The following DNAH17 variants were observed in gnomAD, a reference collection of about 807,000 sequenced individuals.
DNAH17 encodes the protein dynein axonemal heavy chain 17.
A neutral mutation model predicts 485.6 loss-of-function variants in DNAH17; 376 were observed. The observed-to-expected ratio is 0.77, with a 90% CI of 0.71 to 0.84. The LOEUF (loss-of-function observed/expected upper bound fraction) is 0.84. Ranked by LOEUF, DNAH17 falls within the 40% of genes least tolerant of loss-of-function variation. The probability of loss-of-function intolerance (pLI) is 0.00; values close to 1 mark genes in which losing one functional copy is unlikely to be tolerated. For synonymous variants in DNAH17, 3,031 were observed against 2,405.9 expected, an observed-to-expected ratio of 1.26 and a Z score of -7.60; for missense variants, 6,370 against 5,839.3, an observed-to-expected ratio of 1.09 and a Z score of -2.96.
intron 14 of DNAH17, among the ~76,000 whole-genome samples, chr17:78,557,828 C>T (rs1345106786): frequency 1.3e-5 from 2 of 151,834 alleles, no homozygotes; most frequent in Non-Finnish European, 2.9e-5. Flanking sequence ...AGATCTTACA[C>T]CAGAAGTTGT....
chr17:78,495,001 G>A lies in DNAH17; in HGVS notation c.6000C>T (p.Phe2000=), dbSNP rs770027424. The change falls in exon 39 of 81, where the codon TTC becomes TTT. Residue 2000 remains phenylalanine (F), a synonymous_variant. Transcript: ENST00000389840. The stretch of plus-strand genomic sequence containing the variant: ...CCTTGCACAAGGTGTACAGGGTGAT[G>A]AACTTCCTGGCCAGAAGGCGGGCTT... ...FLEARLLARK[F]ITLYTLCKEL... is the part of the protein sequence containing the mutation. 3.7e-6 allele frequency: 6 copies of A among 1,613,076 alleles called. No individual in the cohort carries two copies. The highest frequency in any genetic ancestry group is 1.7e-5 in the Admixed American group (1 of 59,902).
chr17:78,515,024 T>C lies in DNAH17; in HGVS notation c.3865-2A>G. ...CCAGTCCTCGATGCTGGTATTTACC[T>C]GAAACGAAAACATCCCGTTTCTCCT... On this transcript the variant is annotated splice_acceptor_variant, in intron 25 of 80. Transcript: ENST00000389840. LOFTEE classifies it high-confidence loss of function. 6.2e-7 allele frequency: 1 copy of C among 1,612,988 alleles called. No homozygotes were observed. The highest frequency in any genetic ancestry group is 8.5e-7 in the Non-Finnish European group (1 of 1,178,990).
At position 78,468,660 on chromosome 17, in the gene DNAH17, G is replaced by A. The variant is rs868184990; in HGVS notation, c.8735C>T (p.Thr2912Ile). The change falls in exon 55 of 81, where the codon ACA (threonine) becomes ATA (isoleucine). Residue 2912 changes from threonine to isoleucine, a missense_variant. Physicochemically the swap from Thr to Ile is moderately conservative, Grantham distance 89 (BLOSUM62 -1). Transcript: ENST00000389840. ...KSLGMNDTRETCWKFFIEKVR... is the reference protein window; with the variant it reads ...KSLGMNDTREICWKFFIEKVR... Reference sequence around the variant, plus strand: ...TTTTTCGATGAAGAACTTCCAACATGTTTCCCGAGTGTCATTCATGCCAAG... The same window carrying A: ...TTTTTCGATGAAGAACTTCCAACATATTTCCCGAGTGTCATTCATGCCAAG... 7.4e-6 allele frequency: 12 copies of A among 1,613,876 alleles called. No individual in the cohort carries two copies. In the African/African-American group the frequency reaches 1.1e-4, roughly 14 times the overall value.
At chr17:78,480,901 C>T (rs771993760) in intron 48 of DNAH17, 115 bp from the exon 49 acceptor site, 7 of 725,716 alleles carry the variant, frequency 9.6e-6, no homozygotes, top group South Asian at 3.2e-5. Context: ...GACAGAGTCT[C>T]GCTCTGTTGC....
In DNAH17 at chr17:78,532,535, T is replaced by C; in HGVS notation, c.3061A>G (p.Thr1021Ala). 6.2e-7 allele frequency: 1 copy of C among 1,611,330 alleles called. No individual in the cohort carries two copies. Among genetic ancestry groups the C allele is most frequent in the Non-Finnish European group, 8.5e-7 (1 of 1,178,992 alleles). ...AVTAEDLDTW[T>A]DDTIPKTPPT... ...GGTGTCTTGGGGATGGTGTCATCTG[T>C]CCAGGTGTCCAAGTCCTCCGCAGTG... is the stretch of plus-strand genomic sequence containing the variant. The change falls in exon 20 of 81, where the codon ACA becomes GCA. Residue 1021 changes from threonine to alanine, a missense_variant. By Grantham distance (58) the Thr-to-Ala change is moderately conservative. Coordinates refer to ENST00000389840, the MANE Select transcript of DNAH17 (RefSeq NM_173628.4).
chr17:78,554,973 C>A (rs2091988470), intron 14 of DNAH17, among the ~76,000 whole-genome samples: 1 of 152,172 alleles, frequency 6.6e-6, no homozygotes, highest in Admixed American at 6.5e-5. Context: ...CCTCGAACTC[C>A]TGACCTCAAG....
chr17:78,524,597 C>G (rs917302369), intron 25 of DNAH17, among the ~76,000 whole-genome samples: 1 of 141,562 alleles, frequency 7.1e-6, no homozygotes, highest in Non-Finnish European at 1.5e-5. Context: ...TTCCCAGCCT[C>G]CAGAACGGTG....
chr17:78,571,008 C>T lies in DNAH17; in HGVS notation c.858G>A (p.Val286=). The change falls in exon 6 of 81, where the codon GTG becomes GTA. Residue 286 remains valine, a synonymous_variant. Coordinates refer to ENST00000389840, the MANE Select transcript of DNAH17 (RefSeq NM_173628.4). ...TEGLKEANDI[V]LYLKPLRILL... ...GGATCCGTAGGGGCTTCAAATAGAG[C>T]ACGATGTCGTTGGCTTCCTTCAGCC... 2 of 1,578,340 alleles carry T rather than the reference C, an allele frequency of 1.3e-6. No individual in the cohort carries two copies. The highest frequency in any genetic ancestry group is 1.7e-6 in the Non-Finnish European group (2 of 1,161,960).
At chr17:78,564,211 G>A (rs914575408) in intron 11 of DNAH17, among the ~76,000 whole-genome samples, 4 of 152,146 alleles carry the variant, frequency 2.6e-5, no homozygotes, top group African/African-American at 9.7e-5. Context: ...GGATCCCCTA[G>A]TGAACCCTGG....
chr17:78,502,122 T>C, intron 33 of DNAH17: 1 of 525,172 alleles, frequency 1.9e-6, no homozygotes, highest in African/African-American at 1.9e-5. Flanking sequence ...AGAGGGTGGA[T>C]GAGAAGCAAA....
chr17:78,541,385 A>ATGGATGGATGGATGGGTGGATGGT (rs1488685115), intron 17 of DNAH17, among the ~76,000 whole-genome samples: 2 of 145,878 alleles, frequency 1.4e-5, no homozygotes, highest in South Asian at 2.2e-4. Flanking sequence ...AAGTGGATGG[A>ATGGATGGATGGATGGGTGGATGGT]TGGATGGATG....
intron 26 of DNAH17, among the ~76,000 whole-genome samples, chr17:78,513,618 C>A (rs12103426): frequency 6.6e-6 from 1 of 151,976 alleles, no homozygotes; most frequent in Non-Finnish European, 1.5e-5. Context: ...GTATTTTTAG[C>A]AGGGATGGGG....
intron 25 of DNAH17, among the ~76,000 whole-genome samples, chr17:78,517,388 T>TCAA (rs2090816029): frequency 6.6e-6 from 1 of 152,118 alleles, no homozygotes; most frequent in South Asian, 2.1e-4. Flanking sequence ...AGGAAAGAGT[T>TCAA]CAACTATTTT....
At chr17:78,472,078 G>A (rs1351282888) in intron 54 of DNAH17, among the ~76,000 whole-genome samples, 5 of 152,160 alleles carry the variant, frequency 3.3e-5, no homozygotes, top group African/African-American at 7.2e-5. Context: ...ATCTAGGCCC[G>A]TCTAGGGACC....
intron 56 of DNAH17, among the ~76,000 whole-genome samples, chr17:78,466,175 G>A (rs1283796478): frequency 6.6e-6 from 1 of 152,224 alleles, no homozygotes; most frequent in Non-Finnish European, 1.5e-5. Flanking sequence ...TCCACTCAGG[G>A]TTGAATGGAT....
chr17:78,530,262 T>C, intron 21 of DNAH17, 81 bp downstream of exon 21: 1 of 1,449,016 alleles, frequency 6.9e-7, no homozygotes, highest in Non-Finnish European at 9.2e-7. Flanking sequence ...ACCTGACAAA[T>C]GCCACCCACT....
intron 58 of DNAH17, among the ~76,000 whole-genome samples, chr17:78,460,741 C>T (rs1412074749): frequency 2.0e-5 from 3 of 152,118 alleles, no homozygotes; most frequent in Non-Finnish European, 4.4e-5. Flanking sequence ...AGGGGAAATC[C>T]GGGGGCCACT....
chr17:78,544,088 G>A (rs1187578867), intron 16 of DNAH17, 91 bp from the exon 17 acceptor site: 23 of 1,559,974 alleles, frequency 1.5e-5, no homozygotes, highest in African/African-American at 5.4e-5. Flanking sequence ...TGTGAGTTTC[G>A]TCACTGCTGC....
chr17:78,423,835 C>G lies in DNAH17; in HGVS notation c.*71G>C. The G allele has an allele frequency of 3.2e-6, 5 of 1,561,918 alleles. No homozygotes were observed. In the South Asian group the frequency reaches 5.8e-5, roughly 18 times the overall value. On this transcript the variant is annotated 3_prime_UTR_variant, in exon 81 of 81. Coordinates refer to ENST00000389840, the MANE Select transcript of DNAH17 (RefSeq NM_173628.4). ...CCACCAGTTCCTGTAAAGAATAAGT[C>G]ACAGGTGCACAGGTGAAGGGCTGAG...
Sources: allele counts gnomAD v4.1 joint callset (sites outside exome capture counted in the v4.1 genomes callset), GRCh38; gene constraint gnomAD v4.1.1; transcripts MANE v1.5; gene names NCBI Gene and HGNC (gene_info 2026-07-23, HGNC 2026-07-21).